Variants in FGFR1 observed in about 807,000 individuals in gnomAD.
The protein encoded by FGFR1 is fibroblast growth factor receptor 1, also known as FGFR1/PLAG1 fusion.
FGFR1 carries 18 observed loss-of-function variants against 93.7 expected under a neutral mutation model. That is an observed-to-expected ratio of 0.19 (90% confidence interval 0.13 to 0.28). The LOEUF is 0.28. Among genes scored for constraint, FGFR1 ranks in the 10% least tolerant of loss-of-function variants. The probability of loss-of-function intolerance (pLI) is 1.00; values close to 1 mark genes in which losing one functional copy is unlikely to be tolerated. For missense variants in FGFR1, 731 were observed against 1,080.4 expected, an observed-to-expected ratio of 0.68 and a Z score of 4.53; for synonymous variants, 448 against 429.3, an observed-to-expected ratio of 1.04 and a Z score of -0.54.
chr8:38,441,248 T>A (rs1827355536), intron 2 of FGFR1, among the ~76,000 whole-genome samples: 1 of 152,208 alleles, frequency 6.6e-6, no homozygotes, highest in Admixed American at 6.5e-5. Flanking sequence ...CAAGCTTCTA[T>A]GCACGGATTC....
intron 1 of FGFR1, chr8:38,462,999 G>A (rs1834762928): frequency 6.6e-6 from 1 of 151,448 alleles, no homozygotes; most frequent in African/African-American, 2.4e-5. Context: ...CTGCCTCCTA[G>A]GCTCAAGTGA....
chr8:38,466,544 G>T (rs535440707), intron 1 of FGFR1: 71 of 230,830 alleles, frequency 3.1e-4, no homozygotes, highest in African/African-American at 1.5e-3. Context: ...CCACCCACCA[G>T]CGGCGGCGAA....
chr8:38,418,200 A>C lies in FGFR1; in HGVS notation c.1430+28T>G, dbSNP rs2150667861. 5 of 1,614,138 alleles carry C rather than the reference A, an allele frequency of 3.1e-6. No homozygotes were observed. In the African/African-American group the frequency reaches 5.3e-5, roughly 17 times the overall value. ...AGAATAGCAAGCAAGGAATGCCTTC[A>C]AAAAGTTGGGAGTCAAAGTATTATT... On this transcript the variant is annotated intron_variant, in intron 10 of 17. Coordinates refer to ENST00000447712, the MANE Select transcript of FGFR1 (RefSeq NM_023110.3).
chr8:38,429,512 G>T lies in FGFR1; in HGVS notation c.358+170C>A. ...GCCCACCCCACCTAGTCACCTCTCT[G>T]AGAGCCAAGCCACGCGGCAGGCAGG... On this transcript the variant is annotated intron_variant, in intron 3 of 17. Coordinates refer to ENST00000447712, the MANE Select transcript of FGFR1 (RefSeq NM_023110.3). This position sits in a 1 kb window ranked among gnomAD's most constrained non-coding sequence, Gnocchi z 4.4. 2 of 828,296 alleles carry T rather than the reference G, an allele frequency of 2.4e-6. No homozygotes were observed. Among genetic ancestry groups the T allele is most frequent in the Non-Finnish European group, 3.9e-6 (2 of 509,194 alleles). The allele number at this position is 828,296 out of a possible 1,614,324, so 51.3% of individuals were successfully genotyped here.
intron 2 of FGFR1, among the ~76,000 whole-genome samples, chr8:38,431,005 A>G (rs1822897401): frequency 6.6e-6 from 1 of 152,158 alleles, no homozygotes; most frequent in South Asian, 2.1e-4. Flanking sequence ...TCCTTTTAGG[A>G]TGTTCAAATG....
chr8:38,421,924 G>A lies in FGFR1; in HGVS notation c.954C>T (p.Thr318=), dbSNP rs752317601. 4 of 1,613,998 alleles carry A rather than the reference G, an allele frequency of 2.5e-6. No individual in the cohort carries two copies. In the East Asian group the frequency reaches 6.7e-5, roughly 27 times the overall value. The part of the protein sequence containing the change: ...VQILKTAGVN[T]TDKEMEVLHL... Reference sequence around the variant, plus strand: ...GAAGCACCTCCATCTCTTTGTCGGTGGTATTAACTCCAGCAGTCTAGAAGA... The same window carrying A: ...GAAGCACCTCCATCTCTTTGTCGGTAGTATTAACTCCAGCAGTCTAGAAGA... The change falls in exon 8 of 18, where the codon ACC becomes ACT. Residue 318 remains threonine, a synonymous_variant. Transcript: ENST00000447712.
intron 2 of FGFR1, among the ~76,000 whole-genome samples, chr8:38,438,071 T>G (rs1294337886): frequency 2.0e-5 from 3 of 152,228 alleles, no homozygotes; most frequent in Non-Finnish European, 4.4e-5. Context: ...ACGCTCACTA[T>G]ATCCCATAGG....
At chr8:38,453,546 C>G (rs945904435) in intron 2 of FGFR1, among the ~76,000 whole-genome samples, 4 of 152,216 alleles carry the variant, frequency 2.6e-5, no homozygotes, top group African/African-American at 9.7e-5. Context: ...TGTGCCCACC[C>G]AGGCTTGCAC....
intron 7 of FGFR1, chr8:38,423,270 C>T (rs987354223): frequency 1.2e-5 from 8 of 683,208 alleles, no homozygotes; most frequent in South Asian, 4.6e-5. Flanking sequence ...GCCCAGGGAG[C>T]GAAGGGAGAT....
At chr8:38,460,457 T>A (rs560357932) in intron 1 of FGFR1, among the ~76,000 whole-genome samples, 3 of 151,808 alleles carry the variant, frequency 2.0e-5, no homozygotes, top group Non-Finnish European at 2.9e-5. Context: ...AGTGGTGTCA[T>A]GTTGAGATGG....
intron 2 of FGFR1, among the ~76,000 whole-genome samples, chr8:38,448,415 G>C (rs1830055478): frequency 1.3e-5 from 2 of 152,240 alleles, no homozygotes; most frequent in South Asian, 4.1e-4. Flanking sequence ...GAGTAGATGG[G>C]ATTATAGGTG....
At chr8:38,432,371 G>A (rs1440161399) in intron 2 of FGFR1, among the ~76,000 whole-genome samples, 3 of 151,376 alleles carry the variant, frequency 2.0e-5, no homozygotes, top group Non-Finnish European at 4.4e-5. Context: ...GCTCAGGTAT[G>A]CTCTGTCCTA....
chr8:38,465,984 G>C (rs1284260093), intron 1 of FGFR1: 1 of 228,908 alleles, frequency 4.4e-6, no homozygotes, highest in Non-Finnish European at 8.7e-6. Flanking sequence ...TTTTCAATTT[G>C]AAAGAGGCTG....
chr8:38,458,036 T>C (rs1833366131), intron 1 of FGFR1, among the ~76,000 whole-genome samples: 1 of 152,178 alleles, frequency 6.6e-6, no homozygotes, highest in African/African-American at 2.4e-5. Context: ...AGTTCAATTC[T>C]ACAGCTATGT....
At chr8:38,431,857 T>TAG (rs1362414057) in intron 2 of FGFR1, among the ~76,000 whole-genome samples, 2 of 152,216 alleles carry the variant, frequency 1.3e-5, no homozygotes, top group Non-Finnish European at 2.9e-5. Context: ...TTGTGGGCCT[T>TAG]AGAAAAAGTT....
chr8:38,428,245 A>G (rs1383547302), intron 4 of FGFR1, 101 bp downstream of exon 4: 2 of 1,462,508 alleles, frequency 1.4e-6, no homozygotes, highest in African/African-American at 2.8e-5. Context: ...AGGCACCGTG[A>G]CCCCATGTGC....
intron 7 of FGFR1, chr8:38,422,803 C>T (rs1307103994): frequency 1.8e-6 from 1 of 549,008 alleles, no homozygotes; most frequent in Non-Finnish European, 3.2e-6. Context: ...CATGGATCCA[C>T]ACAAAGCCAA....
chr8:38,429,636 A>C lies in FGFR1; in HGVS notation c.358+46T>G. The C allele has an allele frequency of 6.7e-7, 1 of 1,499,650 alleles. No homozygotes were observed. The highest frequency in any genetic ancestry group is 9.0e-7 in the Non-Finnish European group (1 of 1,113,264). The allele number at this position is 1,499,650 out of a possible 1,614,324, so 92.9% of individuals were successfully genotyped here. On this transcript the variant is annotated intron_variant, in intron 3 of 17. Coordinates refer to ENST00000447712, the MANE Select transcript of FGFR1 (RefSeq NM_023110.3). The surrounding 1 kb of genome is among the most constrained non-coding windows in gnomAD (Gnocchi z 4.4). The stretch of plus-strand genomic sequence containing the variant: ...CTCTGAAACTGGCAGAGAGGGCTGG[A>C]GGGGGTGGGTCTAGGGAGGGGCAAG...
Position 38,424,427 on chromosome 8 carries a change from G to T in FGFR1, c.936+82C>A. 1 of 1,493,384 alleles carries T rather than the reference G, an allele frequency of 6.7e-7. No homozygotes were observed. The highest frequency in any genetic ancestry group is 9.3e-7 in the Non-Finnish European group (1 of 1,071,060). 92.5% of individuals were successfully genotyped at this position (1,493,384 alleles called of 1,614,324 possible). On this transcript the variant is annotated intron_variant, in intron 7 of 17. Coordinates refer to ENST00000447712, the MANE Select transcript of FGFR1 (RefSeq NM_023110.3). The surrounding 1 kb of genome is among the most constrained non-coding windows in gnomAD (Gnocchi z 4.3). ...AATGATCCCATTCGGGGGCAACTGA[G>T]CCTGCCCACAGGAACTTGAGCCCCC...
Sources: gnomAD v4.1 joint callset for allele counts (sites outside exome capture counted in the v4.1 genomes callset) on GRCh38, gnomAD v4.1.1 for gene constraint, Gnocchi (gnomAD v3.1) non-coding constraint, MANE v1.5 for transcripts, NCBI Gene and HGNC (gene_info 2026-07-23, HGNC 2026-07-21) for gene names.